Variants in NTMT2 observed in about 807,000 individuals in gnomAD.
NTMT2 encodes N-terminal Xaa-Pro-Lys N-methyltransferase 2, also known as X-Pro-Lys N-terminal protein methyltransferase 1B.
In NTMT2, 21 loss-of-function variants were observed where a neutral mutation model predicts 23.4. The observed-to-expected ratio is 0.90, with a 90% CI of 0.64 to 1.29. The LOEUF is 1.29. Ranked by LOEUF, NTMT2 falls within the 50% of genes most tolerant of loss-of-function variation. The pLI is 0.00. For synonymous variants in NTMT2, 131 were observed against 127.7 expected (o/e 1.03, Z -0.17); for missense variants, 336 against 352.0 (o/e 0.95, Z 0.36).
At chr1:170,147,676 A>G (rs1672991912) in intron 1 of NTMT2, among the ~76,000 whole-genome samples, 1 of 152,218 alleles carries the variant, frequency 6.6e-6, no homozygotes, top group Admixed American at 6.5e-5. Flanking sequence ...CTTTGGTTTT[A>G]TTAGACTGGA....
intron 1 of NTMT2, chr1:170,158,014 CT>C (rs1232671021): frequency 6.6e-6 from 1 of 151,988 alleles, no homozygotes; most frequent in Non-Finnish European, 1.5e-5. Context: ...CATTGGATTC[CT>C]GGTTAATTAC....
At chr1:170,146,377 TC>T in intron 1 of NTMT2, 116 bp downstream of exon 1, 1 of 955,836 alleles carries the variant, frequency 1.0e-6, no homozygotes, top group Non-Finnish European at 1.5e-6. Flanking sequence ...CAAAAAAAAC[TC>T]CACAACCAAT....
At chr1:170,147,556 C>T (rs963198992) in intron 1 of NTMT2, among the ~76,000 whole-genome samples, 1 of 151,974 alleles carries the variant, frequency 6.6e-6, no homozygotes, top group African/African-American at 2.4e-5. Context: ...AAAAAAAATA[C>T]AGCAGTTTAA....
At chr1:170,152,240 T>G (rs928049558) in intron 1 of NTMT2, among the ~76,000 whole-genome samples, 1 of 151,982 alleles carries the variant, frequency 6.6e-6, no homozygotes, top group Middle Eastern at 3.2e-3. Context: ...GGTATTAAAG[T>G]GGTAGAGACC....
At chr1:170,153,225 C>A (rs1673103172) in intron 1 of NTMT2, among the ~76,000 whole-genome samples, 1 of 152,182 alleles carries the variant, frequency 6.6e-6, no homozygotes, top group African/African-American at 2.4e-5. Flanking sequence ...TCAGGTATTT[C>A]TTTATAGCAA....
Position 170,160,686 on chromosome 1 carries a change from T to G in NTMT2, c.323T>G (p.Phe108Cys), listed in dbSNP as rs201341297. Residue 108 changes from phenylalanine (F) to cysteine (C), a missense_variant, in exon 2 of 4, where the codon TTT (phenylalanine) becomes TGT (cysteine). Phe to Cys is a radical substitution (Grantham distance 205, BLOSUM62 -2). Coordinates refer to ENST00000439373, the MANE Select transcript of NTMT2 (RefSeq NM_001136107.2). ...GCCTCTCAGAAATTTCTTAGGAAATTTGTTGGGGTGAGTTATTCAACTGCA... is the reference window on the plus strand; with the variant it reads ...GCCTCTCAGAAATTTCTTAGGAAATGTGTTGGGGTGAGTTATTCAACTGCA... ...IQASQKFLRKFVGGPGRAGTD... is the reference protein window; with the variant it reads ...IQASQKFLRKCVGGPGRAGTD... The G allele has an allele frequency of 6.6e-7, 1 of 1,525,726 alleles. No individual in the cohort carries two copies. Among genetic ancestry groups the G allele is most frequent in the Non-Finnish European group, 8.8e-7 (1 of 1,139,048 alleles). 94.5% of individuals were successfully genotyped at this position (1,525,726 alleles called of 1,614,324 possible). A position where few individuals can be genotyped will look rare whatever the true frequency, so the allele number is the denominator to read the frequency against.
At chr1:170,156,827 A>T (rs1375795348) in intron 1 of NTMT2, among the ~76,000 whole-genome samples, 1 of 152,018 alleles carries the variant, frequency 6.6e-6, no homozygotes, top group Non-Finnish European at 1.5e-5. Context: ...ACGCCTGCTG[A>T]GATTGGCATT....
intron 1 of NTMT2, among the ~76,000 whole-genome samples, chr1:170,157,671 T>G (rs1673190873): frequency 6.6e-6 from 1 of 152,208 alleles, no homozygotes; most frequent in African/African-American, 2.4e-5. Flanking sequence ...AAAAATGCTC[T>G]TAGTTAAAGT....
intron 1 of NTMT2, among the ~76,000 whole-genome samples, chr1:170,149,167 T>G (rs1328244179): frequency 6.6e-6 from 1 of 152,248 alleles, no homozygotes; most frequent in Non-Finnish European, 1.5e-5. Flanking sequence ...CTTCAGGATT[T>G]TATAATGTGA....
chr1:170,165,409 A>C (rs1673360912), intron 2 of NTMT2, among the ~76,000 whole-genome samples: 1 of 152,170 alleles, frequency 6.6e-6, no homozygotes, highest in Non-Finnish European at 1.5e-5. Context: ...CTGGTACCAA[A>C]AAAACCCAGA....
At chr1:170,156,811 A>G (rs1271336957) in intron 1 of NTMT2, among the ~76,000 whole-genome samples, 2 of 152,024 alleles carry the variant, frequency 1.3e-5, no homozygotes, top group South Asian at 2.1e-4. Flanking sequence ...CCACCTATTG[A>G]GTCTGACGCC....
At chr1:170,159,812 C>G (rs890848173) in intron 1 of NTMT2, among the ~76,000 whole-genome samples, 1 of 152,194 alleles carries the variant, frequency 6.6e-6, no homozygotes, top group African/African-American at 2.4e-5. Context: ...GCAAAACACA[C>G]TTACGTGTAC....
intron 1 of NTMT2, among the ~76,000 whole-genome samples, chr1:170,153,993 G>A (rs75569417): frequency 0.15 from 22,656 of 152,012 alleles, 1,895 homozygotes; most frequent in Middle Eastern, 0.21. Context: ...AGGGGACCAG[G>A]CCCAGGGCCC....
At chr1:170,148,500 C>A (rs1437213922) in intron 1 of NTMT2, among the ~76,000 whole-genome samples, 2 of 152,012 alleles carry the variant, frequency 1.3e-5, no homozygotes, top group African/African-American at 4.8e-5. Context: ...TTATTTGCAG[C>A]TTTCCATAAA....
intron 1 of NTMT2, among the ~76,000 whole-genome samples, chr1:170,147,198 T>C (rs1257954640): frequency 6.6e-6 from 1 of 152,210 alleles, no homozygotes; most frequent in Non-Finnish European, 1.5e-5. Context: ...TTTTTGTAAA[T>C]CCATTTATGA....
chr1:170,158,973 T>C (rs1489723018), intron 1 of NTMT2, among the ~76,000 whole-genome samples: 3 of 152,080 alleles, frequency 2.0e-5, no homozygotes, highest in African/African-American at 7.2e-5. Context: ...TTATTTTTGT[T>C]TTCTTTGAGG....
At chr1:170,153,933 A>C (rs929006522) in intron 1 of NTMT2, among the ~76,000 whole-genome samples, 1 of 152,208 alleles carries the variant, frequency 6.6e-6, no homozygotes, top group Non-Finnish European at 1.5e-5. Context: ...CAGAGATCTA[A>C]GAGACAGCCC....
rs566278992 is a variant in NTMT2 at position 170,160,057 on chromosome 1, A to G, written c.155-461A>G. On this transcript the variant is annotated intron_variant, in intron 1 of 3. Coordinates refer to ENST00000439373, the MANE Select transcript of NTMT2 (RefSeq NM_001136107.2). ...TGTGTTGCTTGAAAAAGATATAAAA[A>G]CAGTTACCCCTACCTTGCGATTAGA... is the stretch of plus-strand genomic sequence containing the variant. Among the ~76,000 whole-genome samples, 4 of 152,352 alleles carry G rather than the reference A, an allele frequency of 2.6e-5. No individual in the cohort carries two copies. In the South Asian group the frequency reaches 8.3e-4, roughly 32 times the overall value.
At chr1:170,147,648 A>G (rs1672991585) in intron 1 of NTMT2, among the ~76,000 whole-genome samples, 1 of 152,342 alleles carries the variant, frequency 6.6e-6, no homozygotes, top group African/African-American at 2.4e-5. Flanking sequence ...CCATACCTCA[A>G]TAAGAGTAGG....
Sources: allele counts gnomAD v4.1 joint callset (sites outside exome capture counted in the v4.1 genomes callset), GRCh38; gene constraint gnomAD v4.1.1; transcripts MANE v1.5; gene names NCBI Gene and HGNC (gene_info 2026-07-23, HGNC 2026-07-21).